Variants in MMP26 observed in about 807,000 individuals in gnomAD.
The protein encoded by MMP26 is matrix metallopeptidase 26.
In MMP26, 33 loss-of-function variants were observed where a neutral mutation model predicts 31.0. The ratio of observed to expected loss-of-function variants is 1.06; its 90% CI spans 0.81 to 1.42. The LOEUF (loss-of-function observed/expected upper bound fraction) is 1.42, where lower values mean the gene tolerates loss of function less well. Ranked by LOEUF, MMP26 falls within the 40% of genes most tolerant of loss-of-function variation. MMP26 has a pLI of 0.00. For missense variants in MMP26, 347 were observed against 316.1 expected (o/e 1.10, Z -0.74); for synonymous variants, 122 against 114.9 (o/e 1.06, Z -0.40).
chr11:4,915,571 C>G, intron 2 of MMP26: 4 of 1,614,044 alleles, frequency 2.5e-6, no homozygotes, highest in Non-Finnish European at 3.4e-6. Flanking sequence ...GGATGGAGAT[C>G]CAGATGTGCA....
chr11:4,928,603 T>C (rs1453022025), intron 2 of MMP26, among the ~76,000 whole-genome samples: 1 of 152,200 alleles, frequency 6.6e-6, no homozygotes, highest in Non-Finnish European at 1.5e-5. Context: ...TAATTTATAC[T>C]TGTCTTGGTT....
intron 2 of MMP26, among the ~76,000 whole-genome samples, chr11:4,925,481 G>A (rs967256552): frequency 1.3e-5 from 2 of 152,084 alleles, no homozygotes; most frequent in African/African-American, 4.8e-5. Context: ...TGGATATGCT[G>A]AATTTAAAGA....
chr11:4,964,153 G>A (rs1311829763), intron 2 of MMP26, among the ~76,000 whole-genome samples: 1 of 152,048 alleles, frequency 6.6e-6, no homozygotes, highest in Non-Finnish European at 1.5e-5. Flanking sequence ...TGTTGCAATT[G>A]CTTTTCGTAT....
At chr11:4,750,923 A>T (rs1318169729) in intron 1 of MMP26, among the ~76,000 whole-genome samples, 1 of 150,880 alleles carries the variant, frequency 6.6e-6, no homozygotes, top group Non-Finnish European at 1.5e-5. Context: ...ATTTTTTTTT[A>T]AAGAATAGAC....
At chr11:4,799,822 G>A (rs1043824539) in intron 2 of MMP26, among the ~76,000 whole-genome samples, 5 of 152,158 alleles carry the variant, frequency 3.3e-5, no homozygotes, top group Non-Finnish European at 5.9e-5. Context: ...GGGGCAATAA[G>A]TCCCACACAA....
At chr11:4,779,006 T>G (rs1848824187) in intron 2 of MMP26, among the ~76,000 whole-genome samples, 1 of 152,066 alleles carries the variant, frequency 6.6e-6, no homozygotes. Context: ...GTGCTATGCC[T>G]CTTGTTCTTC....
intron 1 of MMP26, among the ~76,000 whole-genome samples, chr11:4,728,942 C>T (rs188869664): frequency 1.3e-4 from 20 of 151,590 alleles, no homozygotes; most frequent in Admixed American, 9.8e-4. Context: ...AGATCATGCA[C>T]GTTGATGTAT....
intron 1 of MMP26, 63 bp from the exon 2 acceptor site, chr11:4,767,207 C>T (rs1848643585): frequency 6.6e-6 from 1 of 152,132 alleles, no homozygotes; most frequent in African/African-American, 2.4e-5. Context: ...CCTTAAAACT[C>T]AGAAGATAAT....
At chr11:4,814,309 T>A (rs1008936667) in intron 2 of MMP26, among the ~76,000 whole-genome samples, 1 of 152,230 alleles carries the variant, frequency 6.6e-6, no homozygotes, top group Non-Finnish European at 1.5e-5. Context: ...TTATAGCAGC[T>A]GTATTCATAA....
intron 2 of MMP26, among the ~76,000 whole-genome samples, chr11:4,901,149 C>CTTTTTT (rs55678976): frequency 1.2e-4 from 10 of 84,512 alleles, no homozygotes; most frequent in South Asian, 5.2e-4. Flanking sequence ...CCTCTTTGTG[C>CTTTTTT]TTTTTTTTTT....
intron 2 of MMP26, among the ~76,000 whole-genome samples, chr11:4,854,987 C>A (rs1283163050): frequency 6.6e-6 from 1 of 152,204 alleles, no homozygotes; most frequent in Non-Finnish European, 1.5e-5. Context: ...TCCAACAGAG[C>A]TACAGCTAAG....
At chr11:4,715,993 A>C (rs1032481949) in intron 1 of MMP26, among the ~76,000 whole-genome samples, 5 of 152,218 alleles carry the variant, frequency 3.3e-5, no homozygotes, top group Admixed American at 6.5e-5. Flanking sequence ...AAGAATCTCG[A>C]AGGAGGTTCT....
chr11:4,974,758 C>T (rs190495537), intron 2 of MMP26, among the ~76,000 whole-genome samples: 16 of 152,116 alleles, frequency 1.1e-4, no homozygotes, highest in African/African-American at 3.6e-4. Context: ...ATGTACGCCA[C>T]AGAATATTAT....
intron 1 of MMP26, among the ~76,000 whole-genome samples, chr11:4,742,385 G>T (rs1438589154): frequency 6.6e-6 from 1 of 152,118 alleles, no homozygotes; most frequent in Non-Finnish European, 1.5e-5. Context: ...AGCAAATAAT[G>T]GTGTCTAGAC....
intron 2 of MMP26, among the ~76,000 whole-genome samples, chr11:4,976,403 A>T (rs1846736210): frequency 6.6e-6 from 1 of 152,016 alleles, no homozygotes; most frequent in Non-Finnish European, 1.5e-5. Flanking sequence ...TTAAATGGTA[A>T]AATCATAACA....
At chr11:4,722,777 T>G in intron 1 of MMP26, 1 of 999,344 alleles carries the variant, frequency 1.0e-6, no homozygotes. Flanking sequence ...CCAGCTTCCC[T>G]TCGTGGGTCT....
chr11:4,794,927 G>C (rs558041406), intron 2 of MMP26: 2 of 152,326 alleles, frequency 1.3e-5, no homozygotes, highest in South Asian at 4.1e-4. Context: ...AAAATGGCAG[G>C]GTGAGGTGGA....
chr11:4,828,267 T>A (rs920187527), intron 2 of MMP26, among the ~76,000 whole-genome samples: 2 of 152,160 alleles, frequency 1.3e-5, no homozygotes, highest in Admixed American at 1.3e-4. Flanking sequence ...AGGTTTAGGC[T>A]CAAGGTTTTC....
chr11:4,906,513 A>G (rs1850891103), intron 2 of MMP26, among the ~76,000 whole-genome samples: 1 of 152,210 alleles, frequency 6.6e-6, no homozygotes, highest in African/African-American at 2.4e-5. Flanking sequence ...TAAAATGTGC[A>G]TAAGTACCTA....
Sources: gnomAD v4.1 joint callset for allele counts (sites outside exome capture counted in the v4.1 genomes callset) on GRCh38, gnomAD v4.1.1 for gene constraint, MANE v1.5 for transcripts, NCBI Gene and HGNC (gene_info 2026-07-23, HGNC 2026-07-21) for gene names.